Variants in FGFR1 observed in about 807,000 individuals in gnomAD.
FGFR1 encodes the protein fibroblast growth factor receptor 1.
A neutral mutation model predicts 93.7 loss-of-function variants in FGFR1; 18 were observed. That is an observed-to-expected ratio of 0.19 (90% CI 0.13 to 0.28). The LOEUF is 0.28. Among genes scored for constraint, FGFR1 ranks in the 10% least tolerant of loss-of-function variants. The pLI is 1.00. For synonymous variants in FGFR1, 448 were observed against 429.3 expected (o/e 1.04, Z -0.54); for missense variants, 731 against 1,080.4 (o/e 0.68, Z 4.53).
intron 12 of FGFR1, among the ~76,000 whole-genome samples, chr8:38,417,082 C>T (rs1214696593): frequency 6.6e-6 from 1 of 152,244 alleles, no homozygotes; most frequent in Non-Finnish European, 1.5e-5. Flanking sequence ...AATTACTCAG[C>T]TGCCTCTGTT....
intron 13 of FGFR1, 23 bp from the exon 14 acceptor site, chr8:38,414,924 C>A (rs773947414): frequency 6.2e-7 from 1 of 1,605,070 alleles, no homozygotes; most frequent in Non-Finnish European, 8.5e-7. Context: ...GAAGGGAGAG[C>A]GGGAGGCGGG....
intron 9 of FGFR1, chr8:38,418,669 T>C: frequency 2.1e-6 from 1 of 468,704 alleles, no homozygotes; most frequent in Non-Finnish European, 3.9e-6. Context: ...AACAACTCTG[T>C]TCTCCTGACT....
chr8:38,436,168 A>G (rs1210916288), intron 2 of FGFR1, among the ~76,000 whole-genome samples: 2 of 152,160 alleles, frequency 1.3e-5, no homozygotes, highest in African/African-American at 2.4e-5. Context: ...TGAGGCCAGG[A>G]GTTCAAAACC....
At chr8:38,417,478 G>A in intron 11 of FGFR1, 62 bp from the exon 12 acceptor site, 1 of 1,387,726 alleles carries the variant, frequency 7.2e-7, no homozygotes, top group East Asian at 2.3e-5. Context: ...TAAAGGCTAA[G>A]GGAGTGGGGT....
chr8:38,417,821 G>C lies in FGFR1; in HGVS notation c.1552+49C>G, dbSNP rs766387527. 20 of 1,614,054 alleles carry C rather than the reference G, an allele frequency of 1.2e-5. No homozygotes were observed. In the South Asian group the frequency reaches 2.2e-4, roughly 18 times the overall value. ...CTGCTGGGCCCGAGGCCTGCTGTTT[G>C]CTTGGAATGGGACAAGATTTTCTTT... On this transcript the variant is annotated intron_variant, in intron 11 of 17. Transcript: ENST00000447712.
chr8:38,447,272 AAT>A (rs1563588060), intron 2 of FGFR1, among the ~76,000 whole-genome samples: 1 of 152,150 alleles, frequency 6.6e-6, no homozygotes, highest in African/African-American at 2.4e-5. Context: ...GATATAGAAA[AAT>A]AGTGTAATAC....
At chr8:38,446,082 A>G (rs1306796785) in intron 2 of FGFR1, among the ~76,000 whole-genome samples, 1 of 152,092 alleles carries the variant, frequency 6.6e-6, no homozygotes, top group African/African-American at 2.4e-5. Context: ...GCTGTGGCAG[A>G]GCAGGAGAGC....
rs1447767109 is a variant in FGFR1 at position 38,429,688 on chromosome 8, C to T, written c.352G>A (p.Val118Ile). 6.4e-7 allele frequency: 1 copy of T among 1,567,076 alleles called. No homozygotes were observed. Among genetic ancestry groups the T allele is most frequent in the African/African-American group, 1.4e-5 (1 of 73,824 alleles). The change falls in exon 3 of 18, where the codon GTT becomes ATT. Residue 118 changes from valine to isoleucine, a missense_variant. This residue lies in a region of FGFR1 where 212 missense variants were observed against 205.8 expected (regional missense o/e 1.03). Coordinates refer to ENST00000447712, the MANE Select transcript of FGFR1 (RefSeq NM_023110.3). This position sits in a 1 kb window ranked among gnomAD's most constrained non-coding sequence, Gnocchi z 4.4. ...GCAGGGCTTGGCTACCAACCTGAAA[C>T]ATTGACGGAGAAGTAGGTGGTGTCA... ...GSDTTYFSVN[V>I]SDALPSSEDD...
chr8:38,427,864 C>T, intron 5 of FGFR1, 57 bp downstream of exon 5: 2 of 1,596,406 alleles, frequency 1.3e-6, no homozygotes, highest in Non-Finnish European at 1.7e-6. Flanking sequence ...ATCAGGACTT[C>T]CTAACTCGGC....
At chr8:38,421,503 G>T in intron 8 of FGFR1, 1 of 484,334 alleles carries the variant, frequency 2.1e-6, no homozygotes, top group East Asian at 3.8e-5. Context: ...GCCTGCCCTG[G>T]AGGAGTCGGG....
intron 2 of FGFR1, among the ~76,000 whole-genome samples, chr8:38,432,109 A>C (rs1267874241): frequency 6.6e-6 from 1 of 152,192 alleles, no homozygotes; most frequent in Non-Finnish European, 1.5e-5. Context: ...CAGAGAAAAA[A>C]GCAGCTCCCA....
In FGFR1 at chr8:38,427,861, C is replaced by T. The variant is rs892977776; in HGVS notation, c.621+60G>A. On this transcript the variant is annotated intron_variant, in intron 5 of 17. Transcript: ENST00000447712. Reference sequence around the variant, plus strand: ...AAAAATGAAAAGCATGTAATCAGGACTTCCTAACTCGGCCTCCCCTGTTCC... The same window carrying T: ...AAAAATGAAAAGCATGTAATCAGGATTTCCTAACTCGGCCTCCCCTGTTCC... The T allele has an allele frequency of 7.6e-6, 12 of 1,587,750 alleles. No homozygotes were observed. In the Admixed American group the frequency reaches 1.8e-4, roughly 24 times the overall value.
Position 38,432,917 on chromosome 8 carries a change from C to CG in FGFR1, c.92-2970_92-2969insC, listed in dbSNP as rs1554573959. Among the ~76,000 whole-genome samples the CG allele has an allele frequency of 3.0e-4, 43 of 142,502 alleles. 5 individuals are homozygous for CG. Among genetic ancestry groups the CG allele is most frequent in the Admixed American group, 3.5e-4 (5 of 14,294 alleles). 93.5% of individuals were successfully genotyped at this position (142,502 alleles called of 152,430 possible). A position where few individuals can be genotyped will look rare whatever the true frequency, so the allele number is the denominator to read the frequency against. ...TGTCCCTCCCCACCGCGCCCCCCCC[C>CG]CTCCCCAGTTGGGATGCTTTCAGCA... is the stretch of plus-strand genomic sequence containing the variant. On this transcript the variant is annotated intron_variant, in intron 2 of 17. Coordinates refer to ENST00000447712, the MANE Select transcript of FGFR1 (RefSeq NM_023110.3).
In FGFR1 at chr8:38,413,842, C is replaced by T. The variant is rs1379684753; in HGVS notation, c.2293-38G>A. On this transcript the variant is annotated intron_variant, in intron 17 of 17. Coordinates refer to ENST00000447712, the MANE Select transcript of FGFR1 (RefSeq NM_023110.3). The surrounding 1 kb of genome is among the most constrained non-coding windows in gnomAD (Gnocchi z 4.2). ...AGAGGAAGCAGCGATGGGCCGGGCC[C>T]CTCCTCCCTGCTCAGGGAGGTGCGT... 1 of 1,613,706 alleles carries T rather than the reference C, an allele frequency of 6.2e-7. No individual in the cohort carries two copies.
rs1586655749 is a variant in FGFR1, at chr8:38,448,732, A to G, written c.91+8624T>C. Among the ~76,000 whole-genome samples the G allele has an allele frequency of 2.0e-5, 3 of 152,182 alleles. No individual in the cohort carries two copies. In the South Asian group the frequency reaches 6.2e-4, roughly 31 times the overall value. The stretch of plus-strand genomic sequence containing the variant: ...CACTTTGGGAGGCTGAGGCGGGTGG[A>G]TCACTTGAAGTCAGGAGCTCAAGAC... On this transcript the variant is annotated intron_variant, in intron 2 of 17. Coordinates refer to ENST00000447712, the MANE Select transcript of FGFR1 (RefSeq NM_023110.3).
At position 38,432,916 on chromosome 8, in the gene FGFR1, C is replaced by G. The variant is rs930604247; in HGVS notation, c.92-2968G>C. ...CTGTCCCTCCCCACCGCGCCCCCCC[C>G]CCTCCCCAGTTGGGATGCTTTCAGC... On this transcript the variant is annotated intron_variant, in intron 2 of 17. Coordinates refer to ENST00000447712, the MANE Select transcript of FGFR1 (RefSeq NM_023110.3). Among the ~76,000 whole-genome samples the G allele has an allele frequency of 8.5e-5, 12 of 141,484 alleles. No individual in the cohort carries two copies. In the East Asian group the frequency reaches 1.3e-3, roughly 15 times the overall value. The allele number at this position is 141,484 out of a possible 152,430, so 92.8% of individuals were successfully genotyped here. A position where few individuals can be genotyped will look rare whatever the true frequency, so the allele number is the denominator to read the frequency against.
At chr8:38,415,733 G>A (rs903209586) in intron 13 of FGFR1, 137 bp downstream of exon 13, 6 of 902,598 alleles carry the variant, frequency 6.6e-6, no homozygotes, top group African/African-American at 4.9e-5. Flanking sequence ...GAGAGCCTAA[G>A]ACAACACACA....
intron 2 of FGFR1, among the ~76,000 whole-genome samples, chr8:38,441,450 T>C (rs918330058): frequency 6.6e-6 from 1 of 152,142 alleles, no homozygotes; most frequent in African/African-American, 2.4e-5. Context: ...GAAATTTCCC[T>C]CCTTCCTCTC....
chr8:38,435,221 A>G (rs942492781), intron 2 of FGFR1: 6 of 152,176 alleles, frequency 3.9e-5, no homozygotes, highest in Admixed American at 2.6e-4. Context: ...AGGAATTAGC[A>G]AGCAACTCAG....
Sources: allele counts gnomAD v4.1 joint callset (sites outside exome capture counted in the v4.1 genomes callset), GRCh38; gene constraint gnomAD v4.1.1; regional missense constraint gnomAD v4.1.1; non-coding constraint Gnocchi (gnomAD v3.1); transcripts MANE v1.5; gene names NCBI Gene and HGNC (gene_info 2026-07-23, HGNC 2026-07-21).